Variants in GALNT15 observed in about 807,000 individuals in gnomAD.
GALNT15 encodes UDP-GalNAc transferase T15.
A neutral mutation model predicts 66.8 loss-of-function variants in GALNT15; 67 were observed. The observed-to-expected ratio is 1.00, with a 90% CI of 0.82 to 1.23. The LOEUF (loss-of-function observed/expected upper bound fraction) is 1.23. GALNT15 is among the 50% of genes most tolerant of loss of function. GALNT15 has a pLI of 0.00. For missense variants in GALNT15, 827 were observed against 804.3 expected (o/e 1.03, Z -0.34); for synonymous variants, 313 against 311.5 (o/e 1.00, Z -0.05).
chr3:16,192,829 T>C (rs1162824893), intron 1 of GALNT15, among the ~76,000 whole-genome samples: 1 of 152,240 alleles, frequency 6.6e-6, no homozygotes, highest in Non-Finnish European at 1.5e-5. Context: ...ATAAAGTTCA[T>C]TATTTTATTT....
In GALNT15 at chr3:16,229,932, G is replaced by C. The variant is rs2064065979; in HGVS notation, c.*2432G>C. ...ACAGACCCTTAATTTAAGTAAAACA[G>C]ATGCCTCCATTTAGTTCTAGAAGGA... On this transcript the variant is annotated 3_prime_UTR_variant, in exon 10 of 10. Transcript: ENST00000339732. Among the ~76,000 whole-genome samples, 1 of 152,164 alleles carries C rather than the reference G, an allele frequency of 6.6e-6. No individual in the cohort carries two copies. Among genetic ancestry groups the C allele is most frequent in the African/African-American group, 2.4e-5 (1 of 41,422 alleles).
At position 16,193,413 on chromosome 3, in the gene GALNT15, T is replaced by G. The variant is rs1475773651; in HGVS notation, c.540-2347T>G. On this transcript the variant is annotated intron_variant, in intron 1 of 9. Transcript: ENST00000339732. This position sits in a 1 kb window ranked among gnomAD's most constrained non-coding sequence, Gnocchi z 4.7. The stretch of plus-strand genomic sequence containing the variant: ...TTTTAAGTATTTGTATTGTGTGTAT[T>G]TTTTTGTGAGTGGCTTCAAATCATT... 6.6e-6 allele frequency among the ~76,000 whole-genome samples: 1 copy of G among 152,238 alleles called. No homozygotes were observed. The highest frequency in any genetic ancestry group is 1.9e-4 in the East Asian group (1 of 5,202).
At chr3:16,236,147 G>C (rs1482968204), downstream of GALNT15, among the ~76,000 whole-genome samples, 2 of 116,430 alleles carry the variant, frequency 1.7e-5, no homozygotes, top group Non-Finnish European at 3.7e-5. Flanking sequence ...GGGCATCAGT[G>C]GAATTAGAAC....
intron 1 of GALNT15, among the ~76,000 whole-genome samples, chr3:16,179,275 A>G (rs2063445404): frequency 6.6e-6 from 1 of 152,220 alleles, no homozygotes; most frequent in Non-Finnish European, 1.5e-5. Flanking sequence ...TGAGGCACAG[A>G]AAGATGGAGG....
chr3:16,221,755 AT>A (rs1303514198), intron 8 of GALNT15, among the ~76,000 whole-genome samples: 1 of 152,188 alleles, frequency 6.6e-6, no homozygotes, highest in East Asian at 1.9e-4. Flanking sequence ...TTCCCTGAGA[AT>A]TTTTAACCAC....
chr3:16,191,658 C>A lies in GALNT15; in HGVS notation c.540-4102C>A, dbSNP rs1193213547. ...CATTTAACTAGCAGAGATGGAAGCT[C>A]TCACATCTCCTTACTTTGAGTAATA... On this transcript the variant is annotated intron_variant, in intron 1 of 9. Coordinates refer to ENST00000339732, the MANE Select transcript of GALNT15 (RefSeq NM_054110.5). The surrounding 1 kb of genome is among the most constrained non-coding windows in gnomAD (Gnocchi z 5.2). Among the ~76,000 whole-genome samples the A allele has an allele frequency of 2.0e-5, 3 of 152,220 alleles. No homozygotes were observed. The highest frequency in any genetic ancestry group is 2.9e-5 in the Non-Finnish European group (2 of 68,046).
In GALNT15 at chr3:16,227,422, T is replaced by A. The variant is rs1247518894; in HGVS notation, c.1842T>A (p.Asp614Glu). Residue 614 changes from aspartate (D) to glutamate (E), a missense_variant, in exon 10 of 10, where the codon GAT becomes GAA. Physicochemically the swap from Asp to Glu is conservative, Grantham distance 45. Transcript: ENST00000339732. This position sits in a 1 kb window ranked among gnomAD's most constrained non-coding sequence, Gnocchi z 4.5. The part of the protein sequence containing the change: ...MEAVVQENNK[D>E]LYLRPCDGKA... ...CTGTGGTGCAAGAAAACAATAAAGATTTGTACCTGCGTCCGTGTGATGGAA... is the reference window on the plus strand; with the variant it reads ...CTGTGGTGCAAGAAAACAATAAAGAATTGTACCTGCGTCCGTGTGATGGAA... 6.2e-7 allele frequency: 1 copy of A among 1,614,162 alleles called. No individual in the cohort carries two copies. Among genetic ancestry groups the A allele is most frequent in the South Asian group, 1.1e-5 (1 of 91,084 alleles).
Position 16,228,427 on chromosome 3 carries a change from T to A in GALNT15, c.*927T>A, listed in dbSNP as rs2064045958. On this transcript the variant is annotated 3_prime_UTR_variant, in exon 10 of 10. Transcript: ENST00000339732. ...AGGCAGAGTTGGGAGGATCACCTGATGTCAGGGGTTTGAGACCAGCCTGGT... is the reference window on the plus strand; with the variant it reads ...AGGCAGAGTTGGGAGGATCACCTGAAGTCAGGGGTTTGAGACCAGCCTGGT... 1.2e-6 allele frequency: 1 copy of A among 802,336 alleles called. No individual in the cohort carries two copies. Among genetic ancestry groups the A allele is most frequent in the Non-Finnish European group, 1.5e-6 (1 of 663,048 alleles). 49.7% of individuals were successfully genotyped at this position (802,336 alleles called of 1,614,324 possible).
chr3:16,222,751 T>C lies in GALNT15; in HGVS notation c.1766T>C (p.Phe589Ser), dbSNP rs375035912. The part of the protein sequence containing the change: ...GLAIHQQHWD[F>S]QENGMIVHIL... ...GCCATCCACCAGCAGCACTGGGACT[T>C]CCAGGAGGTGAGTAATCTGTTCAGG... Residue 589 changes from phenylalanine to serine, a missense_variant, in exon 9 of 10, where the codon TTC becomes TCC. Transcript: ENST00000339732. 28 of 1,614,044 alleles carry C rather than the reference T, an allele frequency of 1.7e-5. No individual in the cohort carries two copies. The highest frequency in any genetic ancestry group is 2.4e-5 in the Non-Finnish European group (28 of 1,179,990).
At chr3:16,242,047 C>T in the GALNT15 span, among the ~76,000 whole-genome samples, 5 of 152,196 alleles carry the variant, frequency 3.3e-5, no homozygotes, top group Non-Finnish European at 5.9e-5. This position sits in a 1 kb window ranked among gnomAD's most constrained non-coding sequence, Gnocchi z 5.6. Context: ...GACTTGTCTC[C>T]GTCATCTCTG....
chr3:16,201,369 G>A (rs933328637), intron 3 of GALNT15, among the ~76,000 whole-genome samples: 3 of 151,388 alleles, frequency 2.0e-5, no homozygotes, highest in African/African-American at 7.3e-5. Context: ...TTTTAGTAGA[G>A]AAGGGGTTTC....
At chr3:16,232,474 A>ATATATATATATATATC (rs2064092880), downstream of GALNT15, among the ~76,000 whole-genome samples, 1 of 51,790 alleles carries the variant, frequency 1.9e-5, no homozygotes, top group Non-Finnish European at 3.7e-5. Context: ...AAATAAATAT[A>ATATATATATATATATC]TATATATATA....
rs1489061231 is a variant in GALNT15, at chr3:16,224,864, T to A, written c.1773+2106T>A. ...GTTGGCCAGGCTGGTCTCGAACTCC[T>A]GACATCAGGTAATCTGCCTGCCTCG... is the stretch of plus-strand genomic sequence containing the variant. On this transcript the variant is annotated intron_variant, in intron 9 of 9. Coordinates refer to ENST00000339732, the MANE Select transcript of GALNT15 (RefSeq NM_054110.5). This position sits in a 1 kb window ranked among gnomAD's most constrained non-coding sequence, Gnocchi z 5.2. Among the ~76,000 whole-genome samples, 1 of 152,112 alleles carries A rather than the reference T, an allele frequency of 6.6e-6. No homozygotes were observed. The highest frequency in any genetic ancestry group is 1.5e-5 in the Non-Finnish European group (1 of 68,008).
chr3:16,213,213 T>C (rs929068024), intron 6 of GALNT15, among the ~76,000 whole-genome samples: 1 of 151,984 alleles, frequency 6.6e-6, no homozygotes, highest in African/African-American at 2.4e-5. Context: ...CCCAGCACTT[T>C]GGGAGGCCGA....
chr3:16,240,404 TATC>T, the GALNT15 span, among the ~76,000 whole-genome samples: 1 of 152,154 alleles, frequency 6.6e-6, no homozygotes, highest in Non-Finnish European at 1.5e-5. Flanking sequence ...AATTGCAAAA[TATC>T]ATCTTCACTG....
chr3:16,191,453 T>G lies in GALNT15; in HGVS notation c.540-4307T>G. The stretch of plus-strand genomic sequence containing the variant: ...ACAGCAAATCCCAAAAAGTGGGCCC[T>G]ACGGCTACCTTTCTGAGGAAACCAA... On this transcript the variant is annotated intron_variant, in intron 1 of 9. Transcript: ENST00000339732. The surrounding 1 kb of genome is among the most constrained non-coding windows in gnomAD (Gnocchi z 5.2). 21 of 493,734 alleles carry G rather than the reference T, an allele frequency of 4.3e-5. No individual in the cohort carries two copies. The highest frequency in any genetic ancestry group is 5.3e-5 in the Non-Finnish European group (20 of 380,482). The allele number at this position is 493,734 out of a possible 1,614,324, so 30.6% of individuals were successfully genotyped here. A position where few individuals can be genotyped will look rare whatever the true frequency, so the allele number is the denominator to read the frequency against.
At position 16,219,601 on chromosome 3, in the gene GALNT15, A is replaced by G. The variant is rs2063919080; in HGVS notation, c.1524+67A>G. 2 of 1,582,512 alleles carry G rather than the reference A, an allele frequency of 1.3e-6. No individual in the cohort carries two copies. Among genetic ancestry groups the G allele is most frequent in the Non-Finnish European group, 8.6e-7 (1 of 1,161,360 alleles). ...TTCCCAAGACAAGAACTAGATGTTC[A>G]GCTCTTCCATGTCCCTGGTCAACCA... On this transcript the variant is annotated intron_variant, in intron 7 of 9. Transcript: ENST00000339732. This position sits in a 1 kb window ranked among gnomAD's most constrained non-coding sequence, Gnocchi z 4.3.
the GALNT15 span, among the ~76,000 whole-genome samples, chr3:16,240,649 T>C: frequency 6.6e-6 from 1 of 152,200 alleles, no homozygotes; most frequent in Non-Finnish European, 1.5e-5. Context: ...TGTGAAGTAA[T>C]AATCCACCTA....
rs1367873459 is a variant in GALNT15, at chr3:16,182,472, A to T, written c.539+6782A>T. Among the ~76,000 whole-genome samples the T allele has an allele frequency of 6.6e-6, 1 of 152,236 alleles. No individual in the cohort carries two copies. The highest frequency in any genetic ancestry group is 2.4e-5 in the African/African-American group (1 of 41,460). On this transcript the variant is annotated intron_variant, in intron 1 of 9. Transcript: ENST00000339732. The surrounding 1 kb of genome is among the most constrained non-coding windows in gnomAD (Gnocchi z 6.1). ...AGAGATGCTCAAGTCACTTAAGGTG[A>T]TGGAGTTACTGCAAGTTTACACAGG...
Sources: gnomAD v4.1 joint callset for allele counts (sites outside exome capture counted in the v4.1 genomes callset) on GRCh38, gnomAD v4.1.1 for gene constraint, Gnocchi (gnomAD v3.1) non-coding constraint, MANE v1.5 for transcripts, NCBI Gene and HGNC (gene_info 2026-07-23, HGNC 2026-07-21) for gene names.